STX11: variants seen among roughly 807,000 people sequenced by gnomAD.
STX11 encodes syntaxin 11, also known as syntaxin-11.
In STX11, 21 loss-of-function variants were observed where a neutral mutation model predicts 19.9. That is an observed-to-expected ratio of 1.06 (90% confidence interval 0.75 to 1.52). The LOEUF is 1.52. Among genes scored for constraint, STX11 ranks in the 40% most tolerant of loss-of-function variants. STX11 has a pLI of 0.00. For missense variants in STX11, 438 were observed against 405.9 expected, an observed-to-expected ratio of 1.08 and a Z score of -0.68; for synonymous variants, 193 against 174.4, an observed-to-expected ratio of 1.11 and a Z score of -0.84.
rs1406656744 is a variant in STX11, at chr6:144,170,321, C to T, written c.-5-16302C>T. Among the ~76,000 whole-genome samples, 4 of 152,188 alleles carry T rather than the reference C, an allele frequency of 2.6e-5. No individual in the cohort carries two copies. Among genetic ancestry groups the T allele is most frequent in the Non-Finnish European group, 5.9e-5 (4 of 68,038 alleles). On this transcript the variant is annotated intron_variant, in intron 1 of 1. Transcript: ENST00000367568. This position sits in a 1 kb window ranked among gnomAD's most constrained non-coding sequence, Gnocchi z 4.7. ...ATTGGTGCATCCAGCCTGCTGCACA[C>T]ATGCCATTTTATTACCTTTTGTCTG...
Position 144,188,029 on chromosome 6 carries a change from T to G in STX11, c.*538T>G, listed in dbSNP as rs1802110236. On this transcript the variant is annotated 3_prime_UTR_variant, in exon 2 of 2. Transcript: ENST00000367568. The stretch of plus-strand genomic sequence containing the variant: ...TGCAATTCCTCCCCAAATATAGATC[T>G]TATTTCTGCTCATTTCCCCTACTTA... The G allele has an allele frequency of 4.0e-6, 1 of 247,616 alleles. No homozygotes were observed. Among genetic ancestry groups the G allele is most frequent in the African/African-American group, 2.2e-5 (1 of 45,288 alleles). 15.3% of individuals were successfully genotyped at this position (247,616 alleles called of 1,614,324 possible).
Position 144,153,119 on chromosome 6 carries a change from A to G in STX11, c.-6+2416A>G, listed in dbSNP as rs936627011. Among the ~76,000 whole-genome samples, 3 of 152,244 alleles carry G rather than the reference A, an allele frequency of 2.0e-5. No homozygotes were observed. Among genetic ancestry groups the G allele is most frequent in the Non-Finnish European group, 4.4e-5 (3 of 68,044 alleles). ...TTTTGAACTGGATGCCCAAGTATCA[A>G]GGTTTCCAAGTTTCCCCAGTTTGCT... On this transcript the variant is annotated intron_variant, in intron 1 of 1. Coordinates refer to ENST00000367568, the MANE Select transcript of STX11 (RefSeq NM_003764.4). The surrounding 1 kb of genome is among the most constrained non-coding windows in gnomAD (Gnocchi z 5.0).
In STX11 at chr6:144,189,528, C is replaced by T. The variant is rs1295158804; in HGVS notation, c.*2037C>T. ...CCCTTACCCACATTTACCATGTTTC[C>T]TGGCCTTCCTCTGTGTCAACTCTTA... On this transcript the variant is annotated 3_prime_UTR_variant, in exon 2 of 2. Transcript: ENST00000367568. Among the ~76,000 whole-genome samples, 1 of 152,194 alleles carries T rather than the reference C, an allele frequency of 6.6e-6. No individual in the cohort carries two copies. The highest frequency in any genetic ancestry group is 1.5e-5 in the Non-Finnish European group (1 of 68,040).
intron 1 of STX11, among the ~76,000 whole-genome samples, chr6:144,158,707 A>G (rs150790763): frequency 7.2e-5 from 11 of 152,366 alleles, no homozygotes; most frequent in African/African-American, 2.4e-4. Flanking sequence ...TAATTGTCTA[A>G]TGAGATCAGA....
Position 144,186,985 on chromosome 6 carries a change from C to A in STX11, c.358C>A (p.Pro120Thr). The change falls in exon 2 of 2, where the codon CCG becomes ACG. Residue 120 changes from proline to threonine, a missense_variant. Physicochemically the swap from Pro to Thr is conservative, Grantham distance 38. Transcript: ENST00000367568. ...CGAGGCGGCTGAGGCCCAGCACGGC[C>A]CGCACTCGGCAGTGGCGCGCATTTC... ...LSEAAEAQHG[P>T]HSAVARISRA... 6.2e-7 allele frequency: 1 copy of A among 1,609,336 alleles called. No individual in the cohort carries two copies. Among genetic ancestry groups the A allele is most frequent in the Non-Finnish European group, 8.5e-7 (1 of 1,179,552 alleles).
Position 144,151,189 on chromosome 6 carries a change from G to T in STX11, c.-6+486G>T, listed in dbSNP as rs549500489. ...GCCAGGAAAGACGGAGAAATTGATA[G>T]AGCCTTCGAGGAGTCCCTTCGAAGC... On this transcript the variant is annotated intron_variant, in intron 1 of 1. Transcript: ENST00000367568. This position sits in a 1 kb window ranked among gnomAD's most constrained non-coding sequence, Gnocchi z 4.6. 54 of 965,240 alleles carry T rather than the reference G, an allele frequency of 5.6e-5. No individual in the cohort carries two copies. The South Asian group carries it at 2.5e-3, about 44-fold the overall frequency. 59.8% of individuals were successfully genotyped at this position (965,240 alleles called of 1,614,324 possible).
Position 144,190,474 on chromosome 6 carries a change from A to C in STX11, c.*2983A>C, listed in dbSNP as rs530715986. 6.6e-6 allele frequency among the ~76,000 whole-genome samples: 1 copy of C among 152,346 alleles called. No homozygotes were observed. Among genetic ancestry groups the C allele is most frequent in the East Asian group, 1.9e-4 (1 of 5,190 alleles). On this transcript the variant is annotated 3_prime_UTR_variant, in exon 2 of 2. Coordinates refer to ENST00000367568, the MANE Select transcript of STX11 (RefSeq NM_003764.4). The stretch of plus-strand genomic sequence containing the variant: ...CACTGTTAGTGACCCAAGTAAATTT[A>C]TAGTTTTTAAGTACAGAGGAAAAAT...
At chr6:144,166,978 T>C (rs1481577453) in intron 1 of STX11, among the ~76,000 whole-genome samples, 2 of 152,146 alleles carry the variant, frequency 1.3e-5, no homozygotes, top group East Asian at 3.9e-4. Flanking sequence ...ACTTGCCCTG[T>C]GGCCCTGCAT....
chr6:144,140,256 T>TATA, the STX11 span, among the ~76,000 whole-genome samples: 1,016 of 72,908 alleles, frequency 0.014, 28 homozygotes, highest in Non-Finnish European at 0.023. Flanking sequence ...ATATATATAT[T>TATA]TATTTATTTA....
In STX11 at chr6:144,187,330, G is replaced by A; in HGVS notation, c.703G>A (p.Val235Met). 1.2e-6 allele frequency: 2 copies of A among 1,611,040 alleles called. No homozygotes were observed. Among genetic ancestry groups the A allele is most frequent in the Non-Finnish European group, 1.7e-6 (2 of 1,179,948 alleles). Residue 235 changes from valine (V) to methionine (M), a missense_variant, in exon 2 of 2, where the codon GTG becomes ATG. Coordinates refer to ENST00000367568, the MANE Select transcript of STX11 (RefSeq NM_003764.4). The surrounding 1 kb of genome is among the most constrained non-coding windows in gnomAD (Gnocchi z 5.6). ...HELFLQMAVL[V>M]EKQADTLNVI... ...GCTCTTCTTGCAGATGGCGGTGCTG[G>A]TGGAGAAGCAGGCCGACACCCTGAA...
chr6:144,181,535 C>T lies in STX11; in HGVS notation c.-5-5088C>T, dbSNP rs113422023. 9.6e-3 allele frequency among the ~76,000 whole-genome samples: 1,249 copies of T among 130,662 alleles called. 16 individuals are homozygous for T. The highest frequency in any genetic ancestry group is 0.035 in the African/African-American group (1,174 of 33,908). The allele number at this position is 130,662 out of a possible 152,430, so 85.7% of individuals were successfully genotyped here. On this transcript the variant is annotated intron_variant, in intron 1 of 1. Transcript: ENST00000367568. ...ACTTGAACCCGGGAGGCAGAGGTTA[C>T]AGTGAGCCGAGATAGTACCACTGCA... is the stretch of plus-strand genomic sequence containing the variant.
At chr6:144,148,209 C>T (rs1364370853), upstream of STX11, among the ~76,000 whole-genome samples, 1 of 152,166 alleles carries the variant, frequency 6.6e-6, no homozygotes, top group African/African-American at 2.4e-5. Context: ...GCTCTACTCC[C>T]CACTCCTAGC....
rs948900045 is a variant in STX11 at position 144,172,840 on chromosome 6, T to C, written c.-5-13783T>C. On this transcript the variant is annotated intron_variant, in intron 1 of 1. Coordinates refer to ENST00000367568, the MANE Select transcript of STX11 (RefSeq NM_003764.4). This position sits in a 1 kb window ranked among gnomAD's most constrained non-coding sequence, Gnocchi z 4.2. ...GTCTTTCCCATACACATCCAACATA[T>C]AATGATGAGATAGGAAAAGGATAAC... Among the ~76,000 whole-genome samples, 1 of 150,392 alleles carries C rather than the reference T, an allele frequency of 6.6e-6. No individual in the cohort carries two copies. The highest frequency in any genetic ancestry group is 2.5e-5 in the African/African-American group (1 of 40,714).
At position 144,160,513 on chromosome 6, in the gene STX11, C is replaced by T. The variant is rs1801307987; in HGVS notation, c.-6+9810C>T. Among the ~76,000 whole-genome samples, 1 of 152,116 alleles carries T rather than the reference C, an allele frequency of 6.6e-6. No individual in the cohort carries two copies. The highest frequency in any genetic ancestry group is 2.1e-4 in the South Asian group (1 of 4,826). On this transcript the variant is annotated intron_variant, in intron 1 of 1. Coordinates refer to ENST00000367568, the MANE Select transcript of STX11 (RefSeq NM_003764.4). This position sits in a 1 kb window ranked among gnomAD's most constrained non-coding sequence, Gnocchi z 4.3. ...TCTTGGGTTGAAAAAGTACCAGATT[C>T]GTTCTCTAGTAAGAACCTATTTCTT...
rs1562655615 is a variant in STX11 at position 144,156,016 on chromosome 6, C to CCT, written c.-6+5313_-6+5314insCT. The stretch of plus-strand genomic sequence containing the variant: ...TTTCTTTCTTTCTTTCTTTCTTTCT[C>CCT]TCTTTCTCTCCTTCCTTCCTTCCTT... On this transcript the variant is annotated intron_variant, in intron 1 of 1. Transcript: ENST00000367568. 1.5e-3 allele frequency among the ~76,000 whole-genome samples: 137 copies of CCT among 90,148 alleles called. 7 individuals carry two copies. Among genetic ancestry groups the CCT allele is most frequent in the African/African-American group, 6.4e-3 (115 of 17,872 alleles). 59.1% of individuals were successfully genotyped at this position (90,148 alleles called of 152,430 possible).
In STX11 at chr6:144,183,230, A is replaced by T. The variant is rs954826633; in HGVS notation, c.-5-3393A>T. On this transcript the variant is annotated intron_variant, in intron 1 of 1. Transcript: ENST00000367568. The surrounding 1 kb of genome is among the most constrained non-coding windows in gnomAD (Gnocchi z 4.6). ...GTATTACTCAAGTTTCTGTTTCAGA[A>T]TGCTGCACATTCTCTTTCTCCATAA... is the stretch of plus-strand genomic sequence containing the variant. Among the ~76,000 whole-genome samples the T allele has an allele frequency of 6.6e-6, 1 of 152,250 alleles. No individual in the cohort carries two copies. The highest frequency in any genetic ancestry group is 2.4e-5 in the African/African-American group (1 of 41,472).
At chr6:144,163,710 C>T (rs1801405280) in intron 1 of STX11, among the ~76,000 whole-genome samples, 1 of 152,118 alleles carries the variant, frequency 6.6e-6, no homozygotes, top group Admixed American at 6.6e-5. Context: ...GTCTTGAACT[C>T]CTGACCTCAG....
chr6:144,156,003 T>TCTCC (rs1562655533), intron 1 of STX11, among the ~76,000 whole-genome samples: 20 of 126,732 alleles, frequency 1.6e-4, no homozygotes, highest in African/African-American at 7.8e-4. Flanking sequence ...TCTTTCTTTC[T>TCTCC]TTCTTTCTTT....
chr6:144,145,475 C>A, the STX11 span, among the ~76,000 whole-genome samples: 1 of 152,114 alleles, frequency 6.6e-6, no homozygotes, highest in East Asian at 1.9e-4. Flanking sequence ...CAGCACTTTA[C>A]AATAGCCAAG....
Sources: allele counts gnomAD v4.1 joint callset (sites outside exome capture counted in the v4.1 genomes callset), GRCh38; gene constraint gnomAD v4.1.1; non-coding constraint Gnocchi (gnomAD v3.1); transcripts MANE v1.5; gene names NCBI Gene and HGNC (gene_info 2026-07-23, HGNC 2026-07-21).